The following ZNF540 variants were observed in gnomAD, a reference collection of about 807,000 sequenced individuals.
The protein encoded by ZNF540 is CTD-3064H18.6.
In ZNF540, 3 loss-of-function variants were observed where a neutral mutation model predicts 11.8. That is an observed-to-expected ratio of 0.25 (90% confidence interval 0.12 to 0.65). The LOEUF (loss-of-function observed/expected upper bound fraction) is 0.65. Ranked by LOEUF, ZNF540 falls within the 30% of genes least tolerant of loss-of-function variation. ZNF540 has a pLI of 0.83. For synonymous variants in ZNF540, 247 were observed against 259.0 expected, an observed-to-expected ratio of 0.95 and a Z score of 0.45; for missense variants, 709 against 793.1, an observed-to-expected ratio of 0.89 and a Z score of 1.27.
In ZNF540 at chr19:37,598,411, C is replaced by T; in HGVS notation, c.-37C>T. On this transcript the variant is annotated 5_prime_UTR_variant, in exon 2 of 5. Transcript: ENST00000316433. ...ACTTTGCTTCTCCAGCAGAATAATCCTGCGGAAGACTGAGCAGTTCTTGTG... is the reference window on the plus strand; with the variant it reads ...ACTTTGCTTCTCCAGCAGAATAATCTTGCGGAAGACTGAGCAGTTCTTGTG... 1.2e-6 allele frequency: 2 copies of T among 1,612,220 alleles called. No homozygotes were observed. The highest frequency in any genetic ancestry group is 1.7e-5 in the Admixed American group (1 of 59,834).
At chr19:37,571,586 AG>A (rs1392805251) in intron 1 of ZNF540, among the ~76,000 whole-genome samples, 1 of 152,216 alleles carries the variant, frequency 6.6e-6, no homozygotes, top group African/African-American at 2.4e-5. Context: ...TATGATACTT[AG>A]ACTTAAGATT....
intron 4 of ZNF540, among the ~76,000 whole-genome samples, chr19:37,602,319 C>T (rs1014305089): frequency 6.6e-6 from 1 of 152,070 alleles, no homozygotes; most frequent in African/African-American, 2.4e-5. Context: ...TCATCAAGAT[C>T]GAGATGTTGA....
intron 4 of ZNF540, chr19:37,611,061 G>C (rs1230931960): frequency 2.7e-5 from 4 of 149,682 alleles, no homozygotes; most frequent in African/African-American, 9.9e-5. Context: ...AGCTCTTGTA[G>C]CCCAGGCTGG....
chr19:37,554,587 C>T (rs1193716453), intron 1 of ZNF540, among the ~76,000 whole-genome samples: 1 of 152,134 alleles, frequency 6.6e-6, no homozygotes, highest in Non-Finnish European at 1.5e-5. Context: ...CCTTGAGCTT[C>T]TTAGATCTGT....
upstream of ZNF540, among the ~76,000 whole-genome samples, chr19:37,593,039 A>G (rs148240486): frequency 6.6e-6 from 1 of 152,342 alleles, no homozygotes; most frequent in East Asian, 1.9e-4. Flanking sequence ...GAAAATCTGA[A>G]TATGGGGGTA....
intron 1 of ZNF540, among the ~76,000 whole-genome samples, chr19:37,573,832 CAAA>C (rs753161725): frequency 8.5e-6 from 1 of 117,782 alleles, no homozygotes; most frequent in Non-Finnish European, 1.8e-5. Context: ...GATCCTGTTT[CAAA>C]AAAAAAAAAA....
intron 1 of ZNF540, among the ~76,000 whole-genome samples, chr19:37,583,311 G>A (rs1206535212): frequency 6.6e-6 from 1 of 152,160 alleles, no homozygotes; most frequent in Non-Finnish European, 1.5e-5. Flanking sequence ...CAGGAAAAAC[G>A]TAATTCAAAA....
chr19:37,570,837 GA>G (rs2043024092), intron 1 of ZNF540, among the ~76,000 whole-genome samples: 1 of 151,958 alleles, frequency 6.6e-6, no homozygotes, highest in Non-Finnish European at 1.5e-5. Flanking sequence ...GAAAAACAAC[GA>G]AAAAACCCAC....
intron 1 of ZNF540, chr19:37,563,269 T>C (rs2042738977): frequency 2.6e-5 from 4 of 151,852 alleles, no homozygotes; most frequent in Admixed American, 2.6e-4. Context: ...AGGTCAAGGC[T>C]GCAGTGAGCT....
rs1191454791 is a variant in ZNF540 at position 37,612,785 on chromosome 19, A to T, written c.1505A>T (p.Lys502Met). The T allele has an allele frequency of 6.2e-7, 1 of 1,614,102 alleles. No homozygotes were observed. Among genetic ancestry groups the T allele is most frequent in the African/African-American group, 1.3e-5 (1 of 75,064 alleles). The change falls in exon 5 of 5, where the codon AAG becomes ATG. Residue 502 changes from lysine (K) to methionine (M), a missense_variant. Lys to Met is a moderately conservative substitution (Grantham distance 95). Transcript: ENST00000316433. ...CCCTACAAATGTGTACGATGTGGGA[A>T]GACCTTTAGATTTGGTTTCTACCTT... ...VKPYKCVRCG[K>M]TFRFGFYLTE...
upstream of ZNF540, among the ~76,000 whole-genome samples, chr19:37,591,307 C>A (rs2043861656): frequency 6.6e-6 from 1 of 152,140 alleles, no homozygotes; most frequent in Non-Finnish European, 1.5e-5. Flanking sequence ...AATAAGCTAT[C>A]AACTCTACTA....
In ZNF540 at chr19:37,611,635, A is replaced by G. The variant is rs868732814; in HGVS notation, c.355A>G (p.Arg119Gly). Residue 119 changes from arginine to glycine, a missense_variant, in exon 5 of 5, where the codon AGA (arginine) becomes GGA (glycine). Physicochemically the swap from Arg to Gly is moderately radical, Grantham distance 125 (BLOSUM62 -2). Coordinates refer to ENST00000316433, the MANE Select transcript of ZNF540 (RefSeq NM_001172225.3). ...KTLRLKGSIFRNEWQNKSEFE... is the reference protein window; with the variant it reads ...KTLRLKGSIFGNEWQNKSEFE... ...TCTTCGTCTGAAAGGATCCATTTTTAGAAATGAGTGGCAGAACAAAAGTGA... is the reference window on the plus strand; with the variant it reads ...TCTTCGTCTGAAAGGATCCATTTTTGGAAATGAGTGGCAGAACAAAAGTGA... 3.1e-6 allele frequency: 5 copies of G among 1,613,934 alleles called. No individual in the cohort carries two copies. The highest frequency in any genetic ancestry group is 4.5e-5 in the East Asian group (2 of 44,836).
At chr19:37,556,956 G>T (rs757552679) in intron 1 of ZNF540, among the ~76,000 whole-genome samples, 1 of 152,130 alleles carries the variant, frequency 6.6e-6, no homozygotes, top group Admixed American at 6.5e-5. Context: ...AATGTTTAAC[G>T]CCTTACTGAC....
At position 37,611,762 on chromosome 19, in the gene ZNF540, A is replaced by C; in HGVS notation, c.482A>C (p.Asn161Thr). 6.2e-7 allele frequency: 1 copy of C among 1,614,034 alleles called. No homozygotes were observed. Among genetic ancestry groups the C allele is most frequent in the Non-Finnish European group, 8.5e-7 (1 of 1,179,948 alleles). Residue 161 changes from asparagine to threonine, a missense_variant, in exon 5 of 5, where the codon AAT becomes ACT. Physicochemically the swap from Asn to Thr is moderately conservative, Grantham distance 65. Coordinates refer to ENST00000316433, the MANE Select transcript of ZNF540 (RefSeq NM_001172225.3). ...TDRKRPSFTL[N>T]QRIHNSEKSC... ...AGAAAACGTCCCTCTTTTACTCTGA[A>C]TCAGAGAATTCACAATAGTGAGAAA...
intron 1 of ZNF540, among the ~76,000 whole-genome samples, chr19:37,578,858 T>G (rs1484082780): frequency 6.6e-6 from 1 of 152,226 alleles, no homozygotes; most frequent in Non-Finnish European, 1.5e-5. Flanking sequence ...AGGTTCTGTG[T>G]TCCTCTGGGG....
chr19:37,578,346 T>C (rs2043318655), intron 1 of ZNF540, among the ~76,000 whole-genome samples: 1 of 151,992 alleles, frequency 6.6e-6, no homozygotes, highest in Admixed American at 6.6e-5. Flanking sequence ...CTCCCTAACA[T>C]GGTGAAACGG....
chr19:37,565,696 A>C, intron 1 of ZNF540: 3 of 1,613,908 alleles, frequency 1.9e-6, no homozygotes, highest in Non-Finnish European at 2.5e-6. Flanking sequence ...CTCCTGTATG[A>C]ACTCTCTGAT....
chr19:37,605,208 C>G (rs1355247431), intron 4 of ZNF540, among the ~76,000 whole-genome samples: 3 of 152,174 alleles, frequency 2.0e-5, no homozygotes, highest in Non-Finnish European at 4.4e-5. Flanking sequence ...TGCCTGTAAT[C>G]CCGGCACTTT....
chr19:37,553,681 A>G (rs982347707), intron 1 of ZNF540, among the ~76,000 whole-genome samples: 1 of 151,948 alleles, frequency 6.6e-6, no homozygotes, highest in Non-Finnish European at 1.5e-5. Flanking sequence ...TTCAACATTC[A>G]TTTTTAGCTT....
Sources: allele counts gnomAD v4.1 joint callset (sites outside exome capture counted in the v4.1 genomes callset), GRCh38; gene constraint gnomAD v4.1.1; transcripts MANE v1.5; gene names NCBI Gene and HGNC (gene_info 2026-07-23, HGNC 2026-07-21).